The following PRKCH variants were observed in gnomAD, a reference collection of about 807,000 sequenced individuals.
The protein encoded by PRKCH is protein kinase C eta.
PRKCH carries 28 observed loss-of-function variants against 82.5 expected under a neutral mutation model. The ratio of observed to expected loss-of-function variants is 0.34; its 90% CI spans 0.25 to 0.47. The LOEUF (loss-of-function observed/expected upper bound fraction) is 0.47, where lower values mean the gene tolerates loss of function less well. Ranked by LOEUF, PRKCH falls within the 20% of genes least tolerant of loss-of-function variation. The pLI is 1.00. For synonymous variants in PRKCH, 322 were observed against 327.4 expected (o/e 0.98, Z 0.18); for missense variants, 705 against 881.8 (o/e 0.80, Z 2.54).
intron 1 of PRKCH, among the ~76,000 whole-genome samples, chr14:61,246,133 C>T (rs535652008): frequency 5.3e-5 from 8 of 151,976 alleles, no homozygotes; most frequent in South Asian, 4.2e-4. Context: ...AGGCCAGGCG[C>T]GGTGGCTCAC....
At chr14:61,412,786 T>C (rs1485460540) in intron 2 of PRKCH, among the ~76,000 whole-genome samples, 1 of 152,204 alleles carries the variant, frequency 6.6e-6, no homozygotes, top group Non-Finnish European at 1.5e-5. Context: ...TCATATTCTC[T>C]TTCTCTTACT....
At chr14:61,220,492 G>A (rs117735562) in intron 1 of PRKCH, among the ~76,000 whole-genome samples, 2,235 of 152,236 alleles carry the variant, frequency 0.015, 24 homozygotes, top group Non-Finnish European at 0.023. Context: ...CCTTACAATC[G>A]GTGACCAGAA....
intron 10 of PRKCH, among the ~76,000 whole-genome samples, chr14:61,497,439 G>A (rs1309005411): frequency 6.6e-6 from 1 of 152,170 alleles, no homozygotes; most frequent in Non-Finnish European, 1.5e-5. Context: ...CATTCTGTTT[G>A]CTACCACTTT....
chr14:61,348,855 C>G (rs2046032822), intron 1 of PRKCH, among the ~76,000 whole-genome samples: 1 of 152,278 alleles, frequency 6.6e-6, no homozygotes, highest in Non-Finnish European at 1.5e-5. Flanking sequence ...ACTGTAAGCA[C>G]CATGAGGGCA....
intron 10 of PRKCH, among the ~76,000 whole-genome samples, chr14:61,519,873 TAAA>T (rs35383143): frequency 7.0e-6 from 1 of 143,200 alleles, no homozygotes; most frequent in Non-Finnish European, 1.5e-5. Flanking sequence ...ATTTCTGTGG[TAAA>T]AAAAAAAAAA....
chr14:61,309,089 G>GC (rs72533345), intron 1 of PRKCH, among the ~76,000 whole-genome samples: 118,093 of 151,098 alleles, frequency 0.78, 47,207 homozygotes, highest in Non-Finnish European at 0.85. Context: ...TTCAAGACCA[G>GC]CTGGGCAACA....
intron 1 of PRKCH, among the ~76,000 whole-genome samples, chr14:61,344,722 CT>C (rs1217181339): frequency 6.6e-6 from 1 of 152,104 alleles, no homozygotes; most frequent in Non-Finnish European, 1.5e-5. Flanking sequence ...AATCCTGACC[CT>C]GCTGATCTTT....
At chr14:61,233,361 G>T (rs910589183) in intron 1 of PRKCH, among the ~76,000 whole-genome samples, 3 of 151,118 alleles carry the variant, frequency 2.0e-5, no homozygotes, top group African/African-American at 7.3e-5. Context: ...ACTGCACTCT[G>T]CTCTGGGTGA....
In PRKCH at chr14:61,210,020, C is replaced by T. The variant is rs147831445; in HGVS notation, c.-19+22352C>T. Among the ~76,000 whole-genome samples the T allele has an allele frequency of 3.4e-3, 506 of 150,388 alleles. 6 individuals are homozygous for T. Among genetic ancestry groups the T allele is most frequent in the African/African-American group, 0.011 (462 of 41,004 alleles). On this transcript the variant is annotated intron_variant, in intron 1 of 3. Transcript: ENST00000555185. ...TTGGGAGGCCGAGGAGGGTGGATCACGAGGTCAGGAGTTCAAGACCAGCCT... is the reference window on the plus strand; with the variant it reads ...TTGGGAGGCCGAGGAGGGTGGATCATGAGGTCAGGAGTTCAAGACCAGCCT...
chr14:61,258,903 A>G (rs2045021677), intron 1 of PRKCH, among the ~76,000 whole-genome samples: 1 of 152,164 alleles, frequency 6.6e-6, no homozygotes, highest in Admixed American at 6.5e-5. Context: ...AACATATTGG[A>G]ATGTTAGTCT....
At chr14:61,260,027 C>T (rs1214625478) in intron 1 of PRKCH, among the ~76,000 whole-genome samples, 1 of 152,118 alleles carries the variant, frequency 6.6e-6, no homozygotes, top group South Asian at 2.1e-4. Flanking sequence ...AGATTAAAGA[C>T]CAGTATCCTG....
intron 1 of PRKCH, chr14:61,390,932 CA>C: frequency 3.5e-6 from 1 of 286,612 alleles, no homozygotes. Context: ...ATGGAGGTCT[CA>C]AAAACAATTA....
intron 1 of PRKCH, among the ~76,000 whole-genome samples, chr14:61,334,090 G>C (rs902079265): frequency 2.0e-5 from 3 of 152,188 alleles, no homozygotes; most frequent in African/African-American, 7.2e-5. Context: ...TAAAGGTAAA[G>C]TGAGAATCCA....
Position 61,381,841 on chromosome 14 carries a change from A to T in PRKCH, c.364-9384A>T, listed in dbSNP as rs116041589. On this transcript the variant is annotated intron_variant, in intron 1 of 13. Transcript: ENST00000332981. The stretch of plus-strand genomic sequence containing the variant: ...TCATGTGCCAGAAGCCAGGGCAGGC[A>T]TGCTTGAGGCTGAGAGAAAGCAACA... 3.3e-3 allele frequency among the ~76,000 whole-genome samples: 507 copies of T among 152,344 alleles called. 3 individuals are homozygous for T. Among genetic ancestry groups the T allele is most frequent in the African/African-American group, 0.011 (472 of 41,580 alleles).
At chr14:61,358,476 C>G (rs1393761201) in intron 1 of PRKCH, among the ~76,000 whole-genome samples, 1 of 152,174 alleles carries the variant, frequency 6.6e-6, no homozygotes, top group East Asian at 1.9e-4. Flanking sequence ...CTGGACATTT[C>G]TGAGTTTTCC....
chr14:61,248,790 ATGTATGTATGTG>A (rs2044911231), intron 1 of PRKCH, among the ~76,000 whole-genome samples: 2 of 55,472 alleles, frequency 3.6e-5, no homozygotes, highest in African/African-American at 1.1e-4. Flanking sequence ...GTATGTATGT[ATGTATGTATGTG>A]TGTGTGTGTA....
chr14:61,364,932 G>T (rs1479114213), intron 1 of PRKCH, among the ~76,000 whole-genome samples: 1 of 152,034 alleles, frequency 6.6e-6, no homozygotes, highest in Non-Finnish European at 1.5e-5. Flanking sequence ...AGACCTGGAT[G>T]GCTTGTATGG....
chr14:61,246,187 C>T (rs1235178871), intron 1 of PRKCH, among the ~76,000 whole-genome samples: 2 of 151,632 alleles, frequency 1.3e-5, no homozygotes, highest in African/African-American at 4.8e-5. Flanking sequence ...GAGTGGATCA[C>T]CTGAGGTCAG....
At chr14:61,469,359 G>T (rs547606325) in intron 9 of PRKCH, among the ~76,000 whole-genome samples, 2 of 152,368 alleles carry the variant, frequency 1.3e-5, no homozygotes, top group South Asian at 4.1e-4. Context: ...AAAGGTAGTT[G>T]AAAATGAACA....
Sources: allele counts gnomAD v4.1 joint callset (sites outside exome capture counted in the v4.1 genomes callset), GRCh38; gene constraint gnomAD v4.1.1; transcripts MANE v1.5; gene names NCBI Gene and HGNC (gene_info 2026-07-23, HGNC 2026-07-21).